The following RANBP2 variants were observed in gnomAD, a reference collection of about 807,000 sequenced individuals.
RANBP2 encodes the protein RAN binding protein 2.
RANBP2 carries 57 observed loss-of-function variants against 303.6 expected under a neutral mutation model. The ratio of observed to expected loss-of-function variants is 0.19; its 90% confidence interval spans 0.15 to 0.23. The LOEUF (loss-of-function observed/expected upper bound fraction) is 0.23, where lower values mean the gene tolerates loss of function less well. Among genes scored for constraint, RANBP2 ranks in the 10% least tolerant of loss-of-function variants. RANBP2 has a pLI of 1.00. For synonymous variants in RANBP2, 1,167 were observed against 1,301.5 expected (o/e 0.90, Z 2.23); for missense variants, 3,138 against 3,780.8 (o/e 0.83, Z 4.46).
At chr2:108,983,173 G>A in the RANBP2 span, among the ~76,000 whole-genome samples, 1 of 152,050 alleles carries the variant, frequency 6.6e-6, no homozygotes, top group Non-Finnish European at 1.5e-5. Flanking sequence ...AGAGGATGCC[G>A]CATGTCAACA....
the RANBP2 span, among the ~76,000 whole-genome samples, chr2:109,418,451 G>T: frequency 6.6e-6 from 1 of 152,070 alleles, no homozygotes; most frequent in Non-Finnish European, 1.5e-5. Context: ...GTCTGTTCCG[G>T]GGCTCCCTCC....
chr2:109,397,822 T>C, the RANBP2 span, among the ~76,000 whole-genome samples: 2 of 152,228 alleles, frequency 1.3e-5, no homozygotes, highest in African/African-American at 2.4e-5. Flanking sequence ...GCTCATGGAC[T>C]TGAACCTTCA....
the RANBP2 span, among the ~76,000 whole-genome samples, chr2:108,917,372 A>C: frequency 6.6e-6 from 1 of 152,144 alleles, no homozygotes; most frequent in African/African-American, 2.4e-5. Context: ...GCGGACAATA[A>C]TGCATTGTAT....
chr2:109,684,566 C>T, the RANBP2 span, among the ~76,000 whole-genome samples: 1 of 136,406 alleles, frequency 7.3e-6, no homozygotes, highest in African/African-American at 2.7e-5. Context: ...TGGAACCTTG[C>T]TCTGTCGTCC....
chr2:108,721,057 C>CAA (rs764899387), intron 1 of RANBP2, among the ~76,000 whole-genome samples: 40 of 151,852 alleles, frequency 2.6e-4, no homozygotes, highest in Non-Finnish European at 5.3e-4. Context: ...AAAACAAAAA[C>CAA]AAAAACAAAA....
the RANBP2 span, among the ~76,000 whole-genome samples, chr2:108,850,294 AATGTGTTGGGTAATAGGCAG>A: frequency 6.6e-6 from 1 of 152,192 alleles, no homozygotes; most frequent in African/African-American, 2.4e-5. Flanking sequence ...AAAGTAGGCA[AATGTGTTGGGTAATAGGCAG>A]ATGCATTGGA....
chr2:109,624,400 A>T, the RANBP2 span, among the ~76,000 whole-genome samples: 1 of 152,214 alleles, frequency 6.6e-6, no homozygotes. Flanking sequence ...GAACCATGAC[A>T]CATGCTTTCA....
the RANBP2 span, among the ~76,000 whole-genome samples, chr2:109,511,884 G>T: frequency 6.6e-6 from 1 of 152,172 alleles, no homozygotes; most frequent in Non-Finnish European, 1.5e-5. Flanking sequence ...CGAGGTGGGG[G>T]TGGCCCATGT....
intron 4 of RANBP2, among the ~76,000 whole-genome samples, chr2:108,734,306 A>C (rs1695395781): frequency 1.3e-5 from 2 of 152,272 alleles, no homozygotes; most frequent in Middle Eastern, 3.4e-3. Context: ...GGTCAAAGGA[A>C]GGTATGGGGA....
the RANBP2 span, among the ~76,000 whole-genome samples, chr2:109,739,839 C>T: frequency 1.3e-5 from 2 of 149,856 alleles, no homozygotes; most frequent in South Asian, 2.1e-4. Context: ...TTATACAGTA[C>T]AATACTAGCT....
the RANBP2 span, chr2:109,617,883 G>A: frequency 6.2e-6 from 1 of 160,894 alleles, no homozygotes; most frequent in East Asian, 1.9e-4. Flanking sequence ...GCCGAGCGTG[G>A]TGGTGCGTGC....
the RANBP2 span, among the ~76,000 whole-genome samples, chr2:109,161,985 C>T: frequency 3.9e-5 from 6 of 152,012 alleles, no homozygotes; most frequent in Non-Finnish European, 8.8e-5. Flanking sequence ...GTGTCTAAAG[C>T]GTAGATGGTG....
the RANBP2 span, among the ~76,000 whole-genome samples, chr2:108,960,680 GA>G: frequency 6.6e-6 from 1 of 152,106 alleles, no homozygotes; most frequent in South Asian, 2.1e-4. Flanking sequence ...GTATAAAGAA[GA>G]AAACTAAAAA....
downstream of RANBP2, among the ~76,000 whole-genome samples, chr2:108,789,906 A>G (rs995005493): frequency 1.4e-4 from 21 of 152,256 alleles, no homozygotes; most frequent in Non-Finnish European, 2.6e-4. Flanking sequence ...AAGAAATGCT[A>G]TGGGTATCAA....
the RANBP2 span, among the ~76,000 whole-genome samples, chr2:109,687,530 AC>A: frequency 6.6e-6 from 1 of 151,996 alleles, no homozygotes; most frequent in East Asian, 1.9e-4. Flanking sequence ...CACAAGTTCA[AC>A]CTAGCCTCAT....
the RANBP2 span, among the ~76,000 whole-genome samples, chr2:109,144,942 G>A: frequency 7.8e-3 from 1,187 of 152,338 alleles, 11 homozygotes; most frequent in East Asian, 0.034. Flanking sequence ...TGGGGTGAGC[G>A]CGTTCAGTGC....
chr2:109,565,928 G>T, the RANBP2 span: 1 of 1,307,290 alleles, frequency 7.6e-7, no homozygotes, highest in Non-Finnish European at 1.1e-6. Context: ...TAAATTTTAT[G>T]TGAGAGAGAA....
chr2:108,864,706 A>G, the RANBP2 span, among the ~76,000 whole-genome samples: 3 of 151,720 alleles, frequency 2.0e-5, no homozygotes, highest in African/African-American at 7.3e-5. Context: ...AGGCAGGAGA[A>G]TCACTTGCAC....
the RANBP2 span, among the ~76,000 whole-genome samples, chr2:109,266,767 G>A: frequency 6.6e-6 from 1 of 152,120 alleles, no homozygotes; most frequent in African/African-American, 2.4e-5. Context: ...ACAAGAGACA[G>A]GGGTGAGCGT....
Sources: gnomAD v4.1 joint callset for allele counts (sites outside exome capture counted in the v4.1 genomes callset) on GRCh38, gnomAD v4.1.1 for gene constraint, MANE v1.5 for transcripts, NCBI Gene and HGNC (gene_info 2026-07-23, HGNC 2026-07-21) for gene names.